MGME1: variants seen among roughly 807,000 people sequenced by gnomAD.
MGME1 encodes mitochondrial genome maintenance exonuclease 1, also known as chromosome 20 open reading frame 72.
In MGME1, 22 loss-of-function variants were observed where a neutral mutation model predicts 33.0. The observed-to-expected ratio is 0.67, with a 90% confidence interval of 0.48 to 0.95. The LOEUF (loss-of-function observed/expected upper bound fraction) is 0.95, where lower values mean the gene tolerates loss of function less well. Among genes scored for constraint, MGME1 ranks in the 40% least tolerant of loss-of-function variants. The pLI is 0.00. For synonymous variants in MGME1, 133 were observed against 144.0 expected (o/e 0.92, Z 0.55); for missense variants, 383 against 397.8 (o/e 0.96, Z 0.32).
intron 2 of MGME1, among the ~76,000 whole-genome samples, chr20:17,974,148 T>C (rs1215916771): frequency 2.2e-5 from 3 of 136,968 alleles, no homozygotes; most frequent in African/African-American, 8.1e-5. Flanking sequence ...CACTGCAACC[T>C]CTGCCTCCTG....
Position 17,975,788 on chromosome 20 carries a change from A to G in MGME1, c.616A>G (p.Ile206Val), listed in dbSNP as rs1466690078. 1.4e-5 allele frequency: 23 copies of G among 1,613,990 alleles called. No homozygotes were observed. The highest frequency in any genetic ancestry group is 6.7e-5 in the East Asian group (3 of 44,896). Residue 206 changes from isoleucine to valine, a missense_variant, in exon 3 of 5, where the codon ATT becomes GTT. Physicochemically the swap from Ile to Val is conservative, Grantham distance 29. Coordinates refer to ENST00000377710, the MANE Select transcript of MGME1 (RefSeq NM_052865.4). ...TGAAAATCTCCTCAAGTCTGGTTACATTGAAAGTGTCCAGCATATTCTGAA... is the reference window on the plus strand; with the variant it reads ...TGAAAATCTCCTCAAGTCTGGTTACGTTGAAAGTGTCCAGCATATTCTGAA... ...RDENLLKSGY[I>V]ESVQHILKDV... is the part of the protein sequence containing the mutation.
intron 3 of MGME1, among the ~76,000 whole-genome samples, chr20:17,983,252 C>T (rs2036072942): frequency 8.9e-6 from 1 of 112,414 alleles, no homozygotes; most frequent in Non-Finnish European, 1.9e-5. Flanking sequence ...TTTTTAAAGG[C>T]TATGTAGTGT....
upstream of MGME1, chr20:17,968,848 G>T (rs556135416): frequency 5.4e-6 from 1 of 183,844 alleles, no homozygotes; most frequent in African/African-American, 2.4e-5. Flanking sequence ...CAAGATGGCA[G>T]CGAGCGCTGA....
chr20:17,984,314 A>G (rs1244209851), intron 3 of MGME1, among the ~76,000 whole-genome samples: 1 of 152,144 alleles, frequency 6.6e-6, no homozygotes, highest in Non-Finnish European at 1.5e-5. Context: ...GCTTTACTTT[A>G]TACAGCCATG....
intron 3 of MGME1, among the ~76,000 whole-genome samples, chr20:17,985,184 G>T (rs530021080): frequency 1.4e-3 from 214 of 152,360 alleles, no homozygotes; most frequent in Non-Finnish European, 2.7e-3. Flanking sequence ...AGCACTTTGG[G>T]AGGCCAAGGT....
At chr20:17,973,430 T>G (rs780965511) in intron 2 of MGME1, among the ~76,000 whole-genome samples, 23 of 152,148 alleles carry the variant, frequency 1.5e-4, no homozygotes, top group Non-Finnish European at 2.9e-5. Context: ...GGACGATTGC[T>G]TGAGGCCAGG....
intron 3 of MGME1, 98 bp downstream of exon 3, chr20:17,976,001 C>A: frequency 2.0e-6 from 2 of 986,990 alleles, no homozygotes; most frequent in Non-Finnish European, 3.2e-6. Flanking sequence ...TGTTTAATGT[C>A]CAGACCTTTG....
At position 17,979,710 on chromosome 20, in the gene MGME1, C is replaced by T. The variant is rs377759021; in HGVS notation, c.731+3807C>T. Reference sequence around the variant, plus strand: ...GGATTACAGGTGTGAGCCACCGCACCGGGCCTAATAATTTTTTATTTTATT... The same window carrying T: ...GGATTACAGGTGTGAGCCACCGCACTGGGCCTAATAATTTTTTATTTTATT... On this transcript the variant is annotated intron_variant, in intron 3 of 4. Coordinates refer to ENST00000377710, the MANE Select transcript of MGME1 (RefSeq NM_052865.4). Among the ~76,000 whole-genome samples the T allele has an allele frequency of 2.6e-4, 39 of 151,876 alleles. 1 individual carries two copies. Among genetic ancestry groups the T allele is most frequent in the African/African-American group, 9.4e-4 (39 of 41,426 alleles).
chr20:17,982,419 CTGTT>C (rs2036046531), intron 3 of MGME1, among the ~76,000 whole-genome samples: 1 of 152,208 alleles, frequency 6.6e-6, no homozygotes, highest in Non-Finnish European at 1.5e-5. Flanking sequence ...CATGCCTGGC[CTGTT>C]TGTTTTAGAC....
At chr20:17,981,464 A>C (rs942285824) in intron 3 of MGME1, among the ~76,000 whole-genome samples, 1 of 152,226 alleles carries the variant, frequency 6.6e-6, no homozygotes. Context: ...TGCTTAATGC[A>C]TACTATGTAT....
intron 3 of MGME1, among the ~76,000 whole-genome samples, chr20:17,979,513 C>T (rs956693908): frequency 2.6e-5 from 4 of 151,132 alleles, no homozygotes; most frequent in Non-Finnish European, 5.9e-5. Context: ...GGGTTCACGC[C>T]ATTCTCCTAC....
Position 17,990,020 on chromosome 20 carries a change from C to A in MGME1, c.946C>A (p.Gln316Lys). The change falls in exon 5 of 5, where the codon CAG (glutamine) becomes AAG (lysine). Residue 316 changes from glutamine to lysine, a missense_variant. By Grantham distance (53) the Gln-to-Lys change is moderately conservative. Coordinates refer to ENST00000377710, the MANE Select transcript of MGME1 (RefSeq NM_052865.4). ...PHFMDAELCSQYWTKWLLRLE... is the reference protein window; with the variant it reads ...PHFMDAELCSKYWTKWLLRLE... ...TTTCATGGATGCAGAGCTCTGTTCC[C>A]AGTACTGGACCAAGTGGCTTCTTCG... The A allele has an allele frequency of 6.2e-7, 1 of 1,614,038 alleles. No individual in the cohort carries two copies. Among genetic ancestry groups the A allele is most frequent in the East Asian group, 2.2e-5 (1 of 44,874 alleles).
intron 3 of MGME1, among the ~76,000 whole-genome samples, chr20:17,979,630 A>G (rs1311293396): frequency 1.3e-5 from 2 of 149,574 alleles, no homozygotes; most frequent in African/African-American, 4.9e-5. Context: ...GTTAGCCACA[A>G]TGGTCTCGAT....
intron 3 of MGME1, among the ~76,000 whole-genome samples, chr20:17,976,139 T>A (rs2035861200): frequency 6.6e-6 from 1 of 152,212 alleles, no homozygotes; most frequent in Non-Finnish European, 1.5e-5. Flanking sequence ...TTTGTTTGTT[T>A]GTTTTGTTTT....
At chr20:17,972,634 C>A (rs1027212744) in intron 2 of MGME1, 2 of 977,242 alleles carry the variant, frequency 2.0e-6, no homozygotes, top group African/African-American at 3.5e-5. Context: ...ATTCTTGGAT[C>A]ATTTTTTATT....
chr20:17,988,669 ACTT>A (rs2036214878), intron 4 of MGME1, among the ~76,000 whole-genome samples: 2 of 150,024 alleles, frequency 1.3e-5, no homozygotes, highest in Non-Finnish European at 1.5e-5. Flanking sequence ...AAAAAAAAAA[ACTT>A]CTCAGTGGGG....
At position 17,989,990 on chromosome 20, in the gene MGME1, C is replaced by T; in HGVS notation, c.916C>T (p.Pro306Ser). The T allele has an allele frequency of 1.2e-6, 2 of 1,614,156 alleles. No homozygotes were observed. The highest frequency in any genetic ancestry group is 1.7e-6 in the Non-Finnish European group (2 of 1,180,038). The change falls in exon 5 of 5, where the codon CCA becomes TCA. Residue 306 changes from proline (P) to serine (S), a missense_variant. Pro to Ser is a moderately conservative substitution (Grantham distance 74). Transcript: ENST00000377710. ...CTACAAAGATGGATCACCTGCCCACCCACATTTCATGGATGCAGAGCTCTG... is the reference window on the plus strand; with the variant it reads ...CTACAAAGATGGATCACCTGCCCACTCACATTTCATGGATGCAGAGCTCTG... ...VAYKDGSPAH[P>S]HFMDAELCSQ... is the part of the protein sequence containing the mutation.
chr20:17,970,840 A>G (rs556644593), intron 2 of MGME1, among the ~76,000 whole-genome samples: 2 of 152,324 alleles, frequency 1.3e-5, no homozygotes, highest in South Asian at 4.1e-4. Context: ...CTATATTTAG[A>G]CCTTGGTAAA....
chr20:17,971,801 C>G (rs2035734950), intron 2 of MGME1, among the ~76,000 whole-genome samples: 2 of 152,124 alleles, frequency 1.3e-5, no homozygotes, highest in African/African-American at 4.8e-5. Flanking sequence ...ATCGCTTACC[C>G]CAGCACCCCG....
Sources: allele counts gnomAD v4.1 joint callset (sites outside exome capture counted in the v4.1 genomes callset), GRCh38; gene constraint gnomAD v4.1.1; transcripts MANE v1.5; gene names NCBI Gene and HGNC (gene_info 2026-07-23, HGNC 2026-07-21).